RCC2: variants seen among roughly 807,000 people sequenced by gnomAD.
RCC2 encodes the protein protein RCC2.
Under a neutral mutation model 64.1 loss-of-function variants are expected in RCC2, and 19 were observed. That is an observed-to-expected ratio of 0.30 (90% CI 0.21 to 0.44). The LOEUF (loss-of-function observed/expected upper bound fraction) is 0.44, where lower values mean the gene tolerates loss of function less well. Among genes scored for constraint, RCC2 ranks in the 20% least tolerant of loss-of-function variants. The probability of loss-of-function intolerance (pLI) is 1.00; values close to 1 mark genes in which losing one functional copy is unlikely to be tolerated. For missense variants in RCC2, 508 were observed against 710.4 expected, an observed-to-expected ratio of 0.72 and a Z score of 3.24; for synonymous variants, 325 against 279.6, an observed-to-expected ratio of 1.16 and a Z score of -1.62.
intron 6 of RCC2, 42 bp from the exon 7 acceptor site, chr1:17,420,870 T>C (rs1233683852): frequency 3.7e-6 from 5 of 1,339,582 alleles, no homozygotes; most frequent in Non-Finnish European, 5.2e-6. Flanking sequence ...TTTTAAAGAC[T>C]GATAAAAAGC....
intron 5 of RCC2, 72 bp from the exon 6 acceptor site, chr1:17,422,363 G>T: frequency 7.3e-7 from 1 of 1,375,308 alleles, no homozygotes; most frequent in Non-Finnish European, 1.0e-6. Flanking sequence ...AGAATCAAAG[G>T]CATCAAAATA....
intron 10 of RCC2, among the ~76,000 whole-genome samples, chr1:17,412,630 A>C (rs2075439683): frequency 6.6e-6 from 1 of 152,230 alleles, no homozygotes; most frequent in South Asian, 2.1e-4. Flanking sequence ...CACACCTGCC[A>C]GCTGATAAAT....
chr1:17,409,681 G>C (rs1161035150), intron 12 of RCC2, among the ~76,000 whole-genome samples: 7 of 152,244 alleles, frequency 4.6e-5, no homozygotes, highest in Admixed American at 2.0e-4. Flanking sequence ...TGAGTCCTGG[G>C]TGTGATGGAG....
At chr1:17,428,754 T>C (rs1315317422) in intron 3 of RCC2, among the ~76,000 whole-genome samples, 2 of 152,262 alleles carry the variant, frequency 1.3e-5, no homozygotes, top group Non-Finnish European at 2.9e-5. Context: ...ATTTGACAAA[T>C]GTCTAGGACA....
chr1:17,432,931 C>A (rs996633724), intron 2 of RCC2, among the ~76,000 whole-genome samples: 3 of 151,908 alleles, frequency 2.0e-5, no homozygotes, highest in Non-Finnish European at 4.4e-5. Flanking sequence ...GCACTCCAGA[C>A]TGGGCGAAAG....
chr1:17,420,948 A>G (rs2075549420), intron 6 of RCC2, 120 bp from the exon 7 acceptor site: 1 of 668,676 alleles, frequency 1.5e-6, no homozygotes, highest in African/African-American at 1.8e-5. Flanking sequence ...TAAACTCAGT[A>G]ATTCTGAAGG....
In RCC2 at chr1:17,407,837, A is replaced by G. The variant is rs2075378756; in HGVS notation, c.*1253T>C. 6.6e-6 allele frequency: 1 copy of G among 152,642 alleles called. No homozygotes were observed. Among genetic ancestry groups the G allele is most frequent in the Admixed American group, 6.5e-5 (1 of 15,284 alleles). The allele number at this position is 152,642 out of a possible 1,614,324, so 9.5% of individuals were successfully genotyped here. Reference sequence around the variant, plus strand: ...ATATCTATTTTAAAGCACCCAAACCAGTCCAGACCCTCTGGAAACCAAGAG... The same window carrying G: ...ATATCTATTTTAAAGCACCCAAACCGGTCCAGACCCTCTGGAAACCAAGAG... On this transcript the variant is annotated 3_prime_UTR_variant, in exon 13 of 13. Coordinates refer to ENST00000375436, the MANE Select transcript of RCC2 (RefSeq NM_018715.4).
In RCC2 at chr1:17,425,633, C is replaced by T. The variant is rs1325576382; in HGVS notation, c.431G>A (p.Cys144Tyr). ...TGTCCGCACCCGGACCCCCGCCAGG[C>T]ACCCATATCTGTGGGGCCCCCACAA... Reference protein sequence around the residue: ...QNLWGPHRYGCLAGVRVRTVV... With the variant: ...QNLWGPHRYGYLAGVRVRTVV... The change falls in exon 4 of 13, where the codon TGC becomes TAC. Residue 144 changes from cysteine to tyrosine, a missense_variant. Coordinates refer to ENST00000375436, the MANE Select transcript of RCC2 (RefSeq NM_018715.4). 6.2e-7 allele frequency: 1 copy of T among 1,614,064 alleles called. No individual in the cohort carries two copies.
chr1:17,415,276 A>G lies in RCC2; in HGVS notation c.1026+1204T>C, dbSNP rs1016647807. On this transcript the variant is annotated intron_variant, in intron 8 of 12. Transcript: ENST00000375436. ...TCGGCAAGAAGATTCCAAGGGAAGG[A>G]GGTGGTGAGCTGAGACCACTCAGTG... Among the ~76,000 whole-genome samples, 7 of 152,322 alleles carry G rather than the reference A, an allele frequency of 4.6e-5. 1 individual carries two copies. In the South Asian group the frequency reaches 8.3e-4, roughly 18 times the overall value.
intron 3 of RCC2, among the ~76,000 whole-genome samples, chr1:17,426,042 G>A (rs1570195420): frequency 6.6e-6 from 1 of 152,086 alleles, no homozygotes; most frequent in East Asian, 1.9e-4. Flanking sequence ...GACCTGGTGC[G>A]AGGTCTGTCC....
In RCC2 at chr1:17,426,416, ACCT is replaced by A. The variant is rs2075617196; in HGVS notation, c.380-735_380-733del. Among the ~76,000 whole-genome samples, 3 of 150,924 alleles carry A rather than the reference ACCT, an allele frequency of 2.0e-5. No homozygotes were observed. In the South Asian group the frequency reaches 6.3e-4, roughly 32 times the overall value. ...TCGCTTCCCCTAGAATGTCCTTCCC[ACCT>A]CCTACTTCTTCCTGAAAGCTCAAGT... On this transcript the variant is annotated intron_variant, in intron 3 of 12. Transcript: ENST00000375436.
intron 2 of RCC2, among the ~76,000 whole-genome samples, chr1:17,431,499 C>CAA (rs558362245): frequency 0.27 from 15,718 of 57,658 alleles, 2,225 homozygotes; most frequent in African/African-American, 0.31. Context: ...AGCCCTGTCT[C>CAA]AAAAAAAAAA....
At chr1:17,430,488 C>CAAA (rs370012940) in intron 2 of RCC2, among the ~76,000 whole-genome samples, 102 of 128,692 alleles carry the variant, frequency 7.9e-4, no homozygotes, top group African/African-American at 2.7e-3. Flanking sequence ...GGCCTTGTCT[C>CAAA]AAAAAAAAAA....
rs879001260 is a variant in RCC2, at chr1:17,412,031, GTGTTT to G, written c.1386+86_1386+90del. The G allele has an allele frequency of 4.5e-6, 5 of 1,113,494 alleles. No homozygotes were observed. In the South Asian group the frequency reaches 5.1e-5, roughly 11 times the overall value. The allele number at this position is 1,113,494 out of a possible 1,614,324, so 69.0% of individuals were successfully genotyped here. On this transcript the variant is annotated intron_variant, in intron 11 of 12. Transcript: ENST00000375436. The stretch of plus-strand genomic sequence containing the variant: ...GGAATCCCAAATGTTTTTCTTCTGT[GTGTTT>G]TGGGAGACAGGTGGAGAGAACCCAA...
At chr1:17,411,998 A>G (rs934520547) in intron 11 of RCC2, 124 bp downstream of exon 11, 11 of 829,510 alleles carry the variant, frequency 1.3e-5, no homozygotes, top group Non-Finnish European at 2.0e-5. Flanking sequence ...CCTTAATACA[A>G]TAAGGGGGGA....
chr1:17,437,607 CGGCAAACAAA>C (rs1338460808), intron 2 of RCC2, among the ~76,000 whole-genome samples: 2 of 152,166 alleles, frequency 1.3e-5, no homozygotes, highest in Non-Finnish European at 2.9e-5. Context: ...GGACCACCGG[CGGCAAACAAA>C]GCCCGAGCAC....
intron 2 of RCC2, among the ~76,000 whole-genome samples, chr1:17,433,432 G>T (rs1409044512): frequency 2.0e-5 from 3 of 152,256 alleles, no homozygotes; most frequent in African/African-American, 4.8e-5. Context: ...GCGGGGCAGG[G>T]CGGGGGTGCC....
intron 3 of RCC2, among the ~76,000 whole-genome samples, chr1:17,427,578 A>C (rs945305423): frequency 6.6e-6 from 1 of 152,162 alleles, no homozygotes; most frequent in South Asian, 2.1e-4. Flanking sequence ...TGAAGACAAA[A>C]TGATGGCATG....
intron 11 of RCC2, among the ~76,000 whole-genome samples, chr1:17,410,752 C>T (rs891769698): frequency 2.6e-5 from 4 of 152,172 alleles, no homozygotes; most frequent in African/African-American, 4.8e-5. Flanking sequence ...GGCCCCACCT[C>T]GGGCCTTCCC....
Sources: allele counts gnomAD v4.1 joint callset (sites outside exome capture counted in the v4.1 genomes callset), GRCh38; gene constraint gnomAD v4.1.1; transcripts MANE v1.5; gene names NCBI Gene and HGNC (gene_info 2026-07-23, HGNC 2026-07-21).